The following MAF variants were observed in gnomAD, a reference collection of about 807,000 sequenced individuals.
MAF encodes MAF bZIP transcription factor, also known as transcription factor Maf.
Under a neutral mutation model 22.0 loss-of-function variants are expected in MAF, and 10 were observed. The observed-to-expected ratio is 0.45, with a 90% CI of 0.28 to 0.77. The LOEUF (loss-of-function observed/expected upper bound fraction) is 0.77, where lower values mean the gene tolerates loss of function less well. Ranked by LOEUF, MAF falls within the 30% of genes least tolerant of loss-of-function variation. MAF has a pLI of 0.12. For missense variants in MAF, 544 were observed against 548.4 expected, an observed-to-expected ratio of 0.99 and a Z score of 0.08; for synonymous variants, 337 against 255.8, an observed-to-expected ratio of 1.32 and a Z score of -3.03.
At chr16:79,573,666 T>A in the MAF span, among the ~76,000 whole-genome samples, 8 of 152,218 alleles carry the variant, frequency 5.3e-5, no homozygotes, top group Non-Finnish European at 2.9e-5. Flanking sequence ...CTTAAAATAA[T>A]TAAAGCTTAA....
At chr16:79,254,887 C>T in the MAF span, among the ~76,000 whole-genome samples, 1 of 152,154 alleles carries the variant, frequency 6.6e-6, no homozygotes, top group Non-Finnish European at 1.5e-5. Context: ...GTCAACTTGT[C>T]TCTGATACAT....
the MAF span, among the ~76,000 whole-genome samples, chr16:79,480,481 G>A: frequency 2.6e-5 from 4 of 152,152 alleles, no homozygotes; most frequent in Non-Finnish European, 5.9e-5. Flanking sequence ...CTAAGCCACA[G>A]CTCAGAAGTG....
At chr16:79,218,547 A>T in the MAF span, among the ~76,000 whole-genome samples, 1 of 152,208 alleles carries the variant, frequency 6.6e-6, no homozygotes, top group Non-Finnish European at 1.5e-5. Flanking sequence ...CACAGGCAGA[A>T]CCAGCATATT....
chr16:79,482,731 G>T, the MAF span, among the ~76,000 whole-genome samples: 3,378 of 152,146 alleles, frequency 0.022, 58 homozygotes, highest in Non-Finnish European at 0.032. Flanking sequence ...GCCCCGCTGA[G>T]CAGGGCTGCC....
the MAF span, among the ~76,000 whole-genome samples, chr16:79,337,387 C>A: frequency 6.6e-6 from 1 of 151,958 alleles, no homozygotes; most frequent in Non-Finnish European, 1.5e-5. Flanking sequence ...CTGGCCAGTA[C>A]GGTGAAATTC....
At chr16:79,549,179 C>G in the MAF span, among the ~76,000 whole-genome samples, 1 of 152,148 alleles carries the variant, frequency 6.6e-6, no homozygotes, top group South Asian at 2.1e-4. Flanking sequence ...TGACGAGCAA[C>G]AGGAACAACT....
the MAF span, among the ~76,000 whole-genome samples, chr16:79,449,101 C>T: frequency 0.013 from 1,931 of 152,294 alleles, 42 homozygotes; most frequent in African/African-American, 0.043. Flanking sequence ...TCATAAGGAG[C>T]ATGCAGCCCA....
the MAF span, among the ~76,000 whole-genome samples, chr16:79,278,159 T>C: frequency 1.3e-5 from 2 of 152,200 alleles, no homozygotes; most frequent in African/African-American, 2.4e-5. Context: ...TCCAGGTACC[T>C]GCCCCCTGCA....
chr16:79,265,304 C>A, the MAF span, among the ~76,000 whole-genome samples: 1 of 152,286 alleles, frequency 6.6e-6, no homozygotes, highest in East Asian at 1.9e-4. Context: ...TTCTTAGGCA[C>A]ATAAATCAGC....
chr16:79,226,048 T>C, the MAF span, among the ~76,000 whole-genome samples: 13 of 152,216 alleles, frequency 8.5e-5, no homozygotes, highest in African/African-American at 3.1e-4. Context: ...CAAAGGATTA[T>C]AAATCATTCT....
the MAF span, among the ~76,000 whole-genome samples, chr16:79,399,831 G>A: frequency 2.0e-5 from 3 of 152,298 alleles, no homozygotes; most frequent in Admixed American, 2.0e-4. Context: ...ATGTGTGCCT[G>A]TATCCTTACT....
chr16:79,517,568 CTTTTTTTTTT>C, the MAF span, among the ~76,000 whole-genome samples: 1 of 99,788 alleles, frequency 1.0e-5, no homozygotes. Context: ...ACTGTTTAGT[CTTTTTTTTTT>C]TTTTTTTTTT....
the MAF span, among the ~76,000 whole-genome samples, chr16:79,474,331 C>A: frequency 6.6e-6 from 1 of 151,972 alleles, no homozygotes; most frequent in African/African-American, 2.4e-5. Context: ...ATGCCTATCT[C>A]CCCTGCAAAG....
the MAF span, among the ~76,000 whole-genome samples, chr16:79,311,511 A>C: frequency 5.1e-4 from 78 of 151,784 alleles, no homozygotes; most frequent in East Asian, 5.6e-3. Flanking sequence ...AAAAAAAAAA[A>C]AAAACATTAT....
chr16:79,304,937 G>T, the MAF span, among the ~76,000 whole-genome samples: 1 of 152,072 alleles, frequency 6.6e-6, no homozygotes, highest in African/African-American at 2.4e-5. Flanking sequence ...TAATAAATAG[G>T]GAGTTTCTAG....
the MAF span, among the ~76,000 whole-genome samples, chr16:79,261,405 G>A: frequency 5.9e-5 from 9 of 152,154 alleles, no homozygotes; most frequent in East Asian, 9.7e-4. Context: ...CACCCGCCTC[G>A]GCCTCCCAAA....
chr16:79,291,850 G>T, the MAF span, among the ~76,000 whole-genome samples: 4 of 149,422 alleles, frequency 2.7e-5, no homozygotes, highest in African/African-American at 9.9e-5. Flanking sequence ...GCCCTCACAG[G>T]GTATCACCTC....
At chr16:79,235,500 A>T in the MAF span, among the ~76,000 whole-genome samples, 1 of 151,998 alleles carries the variant, frequency 6.6e-6, no homozygotes, top group Non-Finnish European at 1.5e-5. Context: ...CAGGAGTTTG[A>T]GGGGCAACCG....
chr16:79,559,646 AC>A, the MAF span, among the ~76,000 whole-genome samples: 1 of 151,318 alleles, frequency 6.6e-6, no homozygotes, highest in East Asian at 1.9e-4. Context: ...TAAAAAAAAA[AC>A]TGCTGTACAT....
Sources: gnomAD v4.1 joint callset for allele counts (sites outside exome capture counted in the v4.1 genomes callset) on GRCh38, gnomAD v4.1.1 for gene constraint, MANE v1.5 for transcripts, NCBI Gene and HGNC (gene_info 2026-07-23, HGNC 2026-07-21) for gene names.